The following ADGRA3 variants were observed in gnomAD, a reference collection of about 807,000 sequenced individuals.
ADGRA3 encodes G-protein coupled receptor 125.
A neutral mutation model predicts 119.8 loss-of-function variants in ADGRA3; 56 were observed. That is an observed-to-expected ratio of 0.47 (90% CI 0.38 to 0.58). The LOEUF (loss-of-function observed/expected upper bound fraction) is 0.58, where lower values mean the gene tolerates loss of function less well. ADGRA3 is among the 20% of genes least tolerant of loss of function. The probability of loss-of-function intolerance (pLI) is 0.00; values close to 1 mark genes in which losing one functional copy is unlikely to be tolerated. For missense variants in ADGRA3, 1,516 were observed against 1,649.0 expected (o/e 0.92, Z 1.40); for synonymous variants, 607 against 623.8 (o/e 0.97, Z 0.40).
chr4:22,402,542 T>C, intron 15 of ADGRA3, 133 bp downstream of exon 15: 1 of 815,146 alleles, frequency 1.2e-6, no homozygotes, highest in Non-Finnish European at 1.9e-6. Flanking sequence ...AAGGCATGTA[T>C]ATATTCTAAA....
At chr4:22,512,450 G>A (rs769140488) in intron 1 of ADGRA3, among the ~76,000 whole-genome samples, 9 of 152,174 alleles carry the variant, frequency 5.9e-5, no homozygotes, top group Non-Finnish European at 8.8e-5. Flanking sequence ...GTGTTTCATA[G>A]AAAGAAATGT....
intron 5 of ADGRA3, among the ~76,000 whole-genome samples, chr4:22,445,432 G>A (rs1333216971): frequency 6.6e-6 from 1 of 152,070 alleles, no homozygotes; most frequent in Non-Finnish European, 1.5e-5. Context: ...CCAGAGTTCT[G>A]GAATACCAAA....
chr4:22,486,016 A>G (rs1030147248), intron 1 of ADGRA3, among the ~76,000 whole-genome samples: 2 of 152,004 alleles, frequency 1.3e-5, no homozygotes, highest in Admixed American at 1.3e-4. Context: ...AAGAAAATCC[A>G]TTTTTCTAGT....
intron 1 of ADGRA3, among the ~76,000 whole-genome samples, chr4:22,492,091 A>G (rs1046410882): frequency 2.0e-5 from 3 of 152,196 alleles, no homozygotes; most frequent in Admixed American, 6.5e-5. Flanking sequence ...TATTCCTTCC[A>G]ATACACTGCC....
intron 2 of ADGRA3, among the ~76,000 whole-genome samples, chr4:22,471,969 G>A (rs1286181790): frequency 6.6e-6 from 1 of 152,040 alleles, no homozygotes; most frequent in East Asian, 1.9e-4. Context: ...TGCAAAAAGG[G>A]TAGTAATTCA....
At chr4:22,464,646 T>C (rs933549164) in intron 2 of ADGRA3, among the ~76,000 whole-genome samples, 9 of 152,232 alleles carry the variant, frequency 5.9e-5, no homozygotes, top group Non-Finnish European at 1.2e-4. Context: ...CCTGCAACTC[T>C]TCCCCATGCA....
chr4:22,415,542 A>C (rs1016176808), intron 12 of ADGRA3, among the ~76,000 whole-genome samples: 4 of 152,174 alleles, frequency 2.6e-5, no homozygotes, highest in Admixed American at 6.5e-5. Context: ...ATAATGACAC[A>C]TGCAAAGAGA....
chr4:22,468,046 A>T (rs1166890313), intron 2 of ADGRA3, among the ~76,000 whole-genome samples: 1 of 152,204 alleles, frequency 6.6e-6, no homozygotes, highest in African/African-American at 2.4e-5. Context: ...ACAGGAAATC[A>T]AGAAGTCAGG....
At chr4:22,481,351 T>G (rs1317925793) in intron 1 of ADGRA3, among the ~76,000 whole-genome samples, 1 of 152,142 alleles carries the variant, frequency 6.6e-6, no homozygotes, top group Non-Finnish European at 1.5e-5. Context: ...TCATGAAAAC[T>G]GGTGACTCCC....
chr4:22,444,758 A>G (rs904134295), intron 6 of ADGRA3, among the ~76,000 whole-genome samples: 30 of 152,090 alleles, frequency 2.0e-4, no homozygotes, highest in African/African-American at 6.5e-4. Flanking sequence ...TGTGAACCTA[A>G]AAACAGCTAC....
In ADGRA3 at chr4:22,388,853, T is replaced by G; in HGVS notation, c.2818A>C (p.Ile940Leu). ...VNCMYFLSIF[I>L]QLKRHPERKY... ...CGCTCAGGGTGTCTTTTCAACTGAA[T>G]AAATATGCTCAGAAAGTACATGCAG... The change falls in exon 19 of 19, where the codon ATT (isoleucine) becomes CTT (leucine). Residue 940 changes from isoleucine (I) to leucine (L), a missense_variant. This residue lies in a region of ADGRA3 where 1,088 missense variants were observed against 1,107.1 expected (regional missense o/e 0.98). Coordinates refer to ENST00000334304, the MANE Select transcript of ADGRA3 (RefSeq NM_145290.4). The G allele has an allele frequency of 1.2e-6, 2 of 1,614,022 alleles. No homozygotes were observed.
At chr4:22,484,204 A>G (rs1014471067) in intron 1 of ADGRA3, among the ~76,000 whole-genome samples, 2 of 152,214 alleles carry the variant, frequency 1.3e-5, no homozygotes, top group Admixed American at 6.5e-5. Flanking sequence ...GTAAAATGCT[A>G]GTAATATGGG....
At chr4:22,435,279 T>C (rs562309360) in intron 10 of ADGRA3, 32 bp downstream of exon 10, 88 of 1,566,204 alleles carry the variant, frequency 5.6e-5, no homozygotes, top group Non-Finnish European at 7.5e-5. Context: ...TTGTTGACAC[T>C]GTATGCTACA....
intron 1 of ADGRA3, among the ~76,000 whole-genome samples, chr4:22,476,657 T>C (rs1406955107): frequency 1.3e-5 from 2 of 150,656 alleles, no homozygotes; most frequent in Non-Finnish European, 3.0e-5. Flanking sequence ...TCTTTTTGGG[T>C]TTTTCTGTTT....
intron 12 of ADGRA3, among the ~76,000 whole-genome samples, chr4:22,419,311 A>T (rs1715553937): frequency 1.3e-5 from 2 of 152,116 alleles, no homozygotes; most frequent in African/African-American, 4.8e-5. Flanking sequence ...TAAAATGTAA[A>T]GTTAGTTTTT....
intron 4 of ADGRA3, among the ~76,000 whole-genome samples, chr4:22,453,050 A>C (rs1241681604): frequency 6.6e-6 from 1 of 151,864 alleles, no homozygotes; most frequent in Non-Finnish European, 1.5e-5. Context: ...TACAAAAAAA[A>C]AATTAGCCGG....
intron 7 of ADGRA3, among the ~76,000 whole-genome samples, chr4:22,440,897 A>G (rs536394807): frequency 3.9e-5 from 6 of 152,338 alleles, no homozygotes; most frequent in African/African-American, 1.4e-4. Context: ...GATTAATCGT[A>G]TCTCCTAATA....
chr4:22,512,917 TGC>T (rs1158636554), intron 1 of ADGRA3, among the ~76,000 whole-genome samples: 2 of 22,188 alleles, frequency 9.0e-5, no homozygotes, highest in Non-Finnish European at 1.2e-4. Context: ...ACAAAAACTG[TGC>T]TCAACTAAGA....
chr4:22,473,799 A>T lies in ADGRA3; in HGVS notation c.302T>A (p.Phe101Tyr). 1 of 1,606,374 alleles carries T rather than the reference A, an allele frequency of 6.2e-7. No homozygotes were observed. The highest frequency in any genetic ancestry group is 8.5e-7 in the Non-Finnish European group (1 of 1,175,162). Reference sequence around the variant, plus strand: ...TCTTTCAAGGAGACTTAACCCAGAAAATGAGCCATTCTTCAGCTCGGATAT... The same window carrying T: ...TCTTTCAAGGAGACTTAACCCAGAATATGAGCCATTCTTCAGCTCGGATAT... The part of the protein sequence containing the change: ...NKISELKNGS[F>Y]SGLSLLERLD... Residue 101 changes from phenylalanine (F) to tyrosine (Y), a missense_variant, in exon 2 of 19, where the codon TTT (phenylalanine) becomes TAT (tyrosine). Coordinates refer to ENST00000334304, the MANE Select transcript of ADGRA3 (RefSeq NM_145290.4).
Sources: allele counts gnomAD v4.1 joint callset (sites outside exome capture counted in the v4.1 genomes callset), GRCh38; gene constraint gnomAD v4.1.1; regional missense constraint gnomAD v4.1.1; transcripts MANE v1.5; gene names NCBI Gene and HGNC (gene_info 2026-07-23, HGNC 2026-07-21).